The following CEP128 variants were observed in gnomAD, a reference collection of about 807,000 sequenced individuals.
CEP128 encodes the protein centrosomal protein 128kDa.
Under a neutral mutation model 156.7 loss-of-function variants are expected in CEP128, and 132 were observed. The observed-to-expected ratio is 0.84, with a 90% CI of 0.73 to 0.97. The LOEUF (loss-of-function observed/expected upper bound fraction) is 0.97, where lower values mean the gene tolerates loss of function less well. Ranked by LOEUF, CEP128 falls within the 50% of genes least tolerant of loss-of-function variation. CEP128 has a pLI of 0.00. For synonymous variants in CEP128, 469 were observed against 448.9 expected (o/e 1.04, Z -0.57); for missense variants, 1,252 against 1,281.9 (o/e 0.98, Z 0.36).
chr14:80,754,459 C>CTTTTTTTTT (rs758603562), intron 18 of CEP128, among the ~76,000 whole-genome samples: 1 of 104,808 alleles, frequency 9.5e-6, no homozygotes. Context: ...ATGTCCTGTT[C>CTTTTTTTTT]TTTTTTTTTT....
chr14:80,572,686 T>C (rs1383277306), intron 20 of CEP128, among the ~76,000 whole-genome samples: 2 of 131,176 alleles, frequency 1.5e-5, no homozygotes, highest in African/African-American at 5.9e-5. Context: ...CATAATGTGT[T>C]GAGATTTGAA....
chr14:80,878,174 A>ACACC (rs1888372462), intron 8 of CEP128, among the ~76,000 whole-genome samples: 1 of 152,128 alleles, frequency 6.6e-6, no homozygotes, highest in Non-Finnish European at 1.5e-5. Flanking sequence ...AGGTGACATG[A>ACACC]CACCATATAC....
rs146236013 is a variant in CEP128 at position 80,578,373 on chromosome 14, A to G, written c.2856+2001T>C. On this transcript the variant is annotated intron_variant, in intron 20 of 24. Coordinates refer to ENST00000555265, the MANE Select transcript of CEP128 (RefSeq NM_152446.5). ...ACCCCCTACCCCTAAGGAGAATGACATAAAATGCAGAATATCTGTTATACA... is the reference window on the plus strand; with the variant it reads ...ACCCCCTACCCCTAAGGAGAATGACGTAAAATGCAGAATATCTGTTATACA... Among the ~76,000 whole-genome samples, 661 of 152,304 alleles carry G rather than the reference A, an allele frequency of 4.3e-3. 6 individuals carry two copies. Among genetic ancestry groups the G allele is most frequent in the African/African-American group, 0.013 (536 of 41,586 alleles).
At chr14:80,554,311 T>C (rs1286376167) in intron 21 of CEP128, among the ~76,000 whole-genome samples, 1 of 152,214 alleles carries the variant, frequency 6.6e-6, no homozygotes, top group Non-Finnish European at 1.5e-5. Context: ...TTCATGTTAA[T>C]GACTAAGGGT....
At chr14:80,864,652 G>A (rs1887680628) in intron 8 of CEP128, among the ~76,000 whole-genome samples, 1 of 151,776 alleles carries the variant, frequency 6.6e-6, no homozygotes, top group South Asian at 2.1e-4. Flanking sequence ...TGCCTACTGA[G>A]TTCAAGTGAT....
At position 80,611,841 on chromosome 14, in the gene CEP128, T is replaced by C. The variant is rs1893006559; in HGVS notation, c.2807-31418A>G. Among the ~76,000 whole-genome samples the C allele has an allele frequency of 2.0e-5, 3 of 152,096 alleles. No individual in the cohort carries two copies. In the South Asian group the frequency reaches 6.2e-4, roughly 31 times the overall value. On this transcript the variant is annotated intron_variant, in intron 19 of 24. Coordinates refer to ENST00000555265, the MANE Select transcript of CEP128 (RefSeq NM_152446.5). ...TTGGGAGGCCAAGGAGGGAAGATCA[T>C]GAGGTCAGGAGTTCAAGACTAGCCT...
chr14:80,740,768 A>C (rs1898792562), intron 19 of CEP128, among the ~76,000 whole-genome samples: 1 of 152,290 alleles, frequency 6.6e-6, no homozygotes, highest in African/African-American at 2.4e-5. Context: ...AGAAACTTTG[A>C]CAATGGCTTA....
rs532577017 is a variant in CEP128, at chr14:80,800,503, A to C, written c.1210-7393T>G. 1.1e-4 allele frequency among the ~76,000 whole-genome samples: 16 copies of C among 152,348 alleles called. No individual in the cohort carries two copies. The East Asian group carries it at 3.1e-3, about 29-fold the overall frequency. ...TTTTGGCAGAGAAAGGACTAAACAC[A>C]GGTCCCTAATATTCAATCCAGTATT... On this transcript the variant is annotated intron_variant, in intron 13 of 24. Transcript: ENST00000555265.
chr14:80,703,899 T>A (rs1359626709), intron 19 of CEP128, among the ~76,000 whole-genome samples: 1 of 152,086 alleles, frequency 6.6e-6, no homozygotes, highest in Non-Finnish European at 1.5e-5. Flanking sequence ...CAAAGATCCC[T>A]CATCCAACTA....
At chr14:80,714,765 T>A (rs1897541107) in intron 19 of CEP128, among the ~76,000 whole-genome samples, 1 of 149,670 alleles carries the variant, frequency 6.7e-6, no homozygotes, top group Non-Finnish European at 1.5e-5. Context: ...TAAAACCACA[T>A]CCTAAAAGCA....
At chr14:80,943,639 T>G (rs74064749), upstream of CEP128, among the ~76,000 whole-genome samples, 821 of 152,322 alleles carry the variant, frequency 5.4e-3, 11 homozygotes, top group African/African-American at 0.019. Context: ...ACTAAATTCA[T>G]AGCAGCTGTT....
intron 19 of CEP128, among the ~76,000 whole-genome samples, chr14:80,639,615 C>T (rs1260422477): frequency 6.6e-6 from 1 of 152,066 alleles, no homozygotes; most frequent in Non-Finnish European, 1.5e-5. Context: ...TCCTGTTATT[C>T]TAATATAATT....
intron 20 of CEP128, among the ~76,000 whole-genome samples, chr14:80,576,622 G>A (rs531872897): frequency 1.3e-4 from 14 of 110,244 alleles, no homozygotes; most frequent in South Asian, 6.6e-4. Context: ...AAATTACTCC[G>A]GCGTGTGTGT....
chr14:80,569,170 A>G (rs1595019964), intron 20 of CEP128, among the ~76,000 whole-genome samples: 3 of 152,350 alleles, frequency 2.0e-5, no homozygotes, highest in Admixed American at 2.0e-4. Flanking sequence ...AATTTCAAAC[A>G]AATTTCTAAA....
chr14:80,837,431 C>A (rs1184563972), intron 11 of CEP128, among the ~76,000 whole-genome samples: 1 of 151,854 alleles, frequency 6.6e-6, no homozygotes, highest in Non-Finnish European at 1.5e-5. Context: ...AAAATTAAGC[C>A]TTATCGGCCG....
intron 8 of CEP128, among the ~76,000 whole-genome samples, chr14:80,878,044 G>A (rs1888366511): frequency 6.6e-6 from 1 of 152,064 alleles, no homozygotes; most frequent in Non-Finnish European, 1.5e-5. Flanking sequence ...AGGGACCTCT[G>A]GCCTCCTACA....
intron 19 of CEP128, among the ~76,000 whole-genome samples, chr14:80,639,558 T>C (rs1315688690): frequency 6.6e-6 from 1 of 152,168 alleles, no homozygotes; most frequent in African/African-American, 2.4e-5. Context: ...ATGTTTATTG[T>C]TGACATTTGT....
At chr14:80,952,486 T>C (rs1173308725) in intron 2 of CEP128, among the ~76,000 whole-genome samples, 1 of 152,086 alleles carries the variant, frequency 6.6e-6, no homozygotes, top group African/African-American at 2.4e-5. Context: ...TCGAAACCTG[T>C]GGGATGTCTC....
At chr14:80,868,932 T>A (rs1194637070) in intron 8 of CEP128, among the ~76,000 whole-genome samples, 1 of 152,068 alleles carries the variant, frequency 6.6e-6, no homozygotes, top group African/African-American at 2.4e-5. Flanking sequence ...AAGGAGTCAA[T>A]TCATCAAGAG....
Sources: gnomAD v4.1 joint callset for allele counts (sites outside exome capture counted in the v4.1 genomes callset) on GRCh38, gnomAD v4.1.1 for gene constraint, MANE v1.5 for transcripts, NCBI Gene and HGNC (gene_info 2026-07-23, HGNC 2026-07-21) for gene names.